The following EFCAB5 variants were observed in gnomAD, a reference collection of about 807,000 sequenced individuals.
EFCAB5 encodes EF-hand calcium-binding domain-containing protein 5.
EFCAB5 carries 131 observed loss-of-function variants against 167.9 expected under a neutral mutation model. The ratio of observed to expected loss-of-function variants is 0.78; its 90% confidence interval spans 0.68 to 0.90. The LOEUF (loss-of-function observed/expected upper bound fraction) is 0.90, where lower values mean the gene tolerates loss of function less well. Among genes scored for constraint, EFCAB5 ranks in the 40% least tolerant of loss-of-function variants. The pLI, the probability that EFCAB5 is intolerant of heterozygous loss-of-function variation, is 0.00. For missense variants in EFCAB5, 1,663 were observed against 1,745.2 expected (o/e 0.95, Z 0.84); for synonymous variants, 574 against 602.8 (o/e 0.95, Z 0.70).
chr17:30,036,748 G>A (rs1476230671), intron 8 of EFCAB5, among the ~76,000 whole-genome samples: 1 of 152,150 alleles, frequency 6.6e-6, no homozygotes, highest in Non-Finnish European at 1.5e-5. Flanking sequence ...TTTTTAACCA[G>A]CAGCTGAGAC....
intron 19 of EFCAB5, among the ~76,000 whole-genome samples, chr17:30,087,396 C>T (rs1484098624): frequency 6.6e-6 from 1 of 152,138 alleles, no homozygotes; most frequent in Admixed American, 6.5e-5. Flanking sequence ...AACCCATCAC[C>T]TAGGTATTAA....
intron 10 of EFCAB5, among the ~76,000 whole-genome samples, chr17:30,055,519 C>T (rs1257944678): frequency 1.3e-5 from 2 of 152,096 alleles, no homozygotes; most frequent in African/African-American, 2.4e-5. Context: ...TCTGTCACAC[C>T]TCAAACTGCA....
intron 7 of EFCAB5, among the ~76,000 whole-genome samples, chr17:30,020,970 A>C (rs998388516): frequency 5.9e-5 from 5 of 84,534 alleles, no homozygotes; most frequent in African/African-American, 3.4e-4. Flanking sequence ...AGGAACATTA[A>C]CAGAGTAGGT....
intron 15 of EFCAB5, among the ~76,000 whole-genome samples, chr17:30,079,253 G>C (rs2070933066): frequency 6.6e-6 from 1 of 152,122 alleles, no homozygotes; most frequent in Non-Finnish European, 1.5e-5. Context: ...AAGAAGAAGA[G>C]GCATTGTTCT....
chr17:30,030,349 G>T (rs955933891), intron 7 of EFCAB5, among the ~76,000 whole-genome samples: 1 of 152,130 alleles, frequency 6.6e-6, no homozygotes, highest in Non-Finnish European at 1.5e-5. Flanking sequence ...TTGTTTGTTT[G>T]TTTGTTTTGA....
chr17:29,935,129 T>C (rs2067234584), intron 1 of EFCAB5, among the ~76,000 whole-genome samples: 1 of 152,142 alleles, frequency 6.6e-6, no homozygotes, highest in Non-Finnish European at 1.5e-5. Flanking sequence ...ATAGCACAGA[T>C]ATATAAGAGC....
chr17:29,955,195 T>C (rs542286116), intron 3 of EFCAB5, among the ~76,000 whole-genome samples: 1 of 152,232 alleles, frequency 6.6e-6, no homozygotes, highest in South Asian at 2.1e-4. Flanking sequence ...AAGGGATGAT[T>C]GGTTTTGGAA....
chr17:29,949,637 G>T (rs1197077720), intron 3 of EFCAB5, among the ~76,000 whole-genome samples: 1 of 152,192 alleles, frequency 6.6e-6, no homozygotes, highest in Non-Finnish European at 1.5e-5. Flanking sequence ...GGGCAGTGCT[G>T]TAATTTGTGA....
At chr17:30,030,300 G>C (rs1181173733) in intron 7 of EFCAB5, among the ~76,000 whole-genome samples, 1 of 152,122 alleles carries the variant, frequency 6.6e-6, no homozygotes, top group African/African-American at 2.4e-5. Context: ...AACTTTCAGG[G>C]ATGAAAAATC....
chr17:30,059,607 G>A lies in EFCAB5; in HGVS notation c.2643G>A (p.Trp881Ter), dbSNP rs759833054. ...TCCTAGAAGCCATCTTTCAGAAGTG[G>A]GACAGTGATGGCTCAGGCTTCCTGG... ...RLLLEAIFQK[W>*]DSDGSGFLDL... The change falls in exon 14 of 23, where the codon TGG (tryptophan) becomes TGA (stop). Residue 881 changes from tryptophan to a stop codon, truncating the protein, a stop_gained. Coordinates refer to ENST00000394835, the MANE Select transcript of EFCAB5 (RefSeq NM_198529.4). LOFTEE classifies it high-confidence loss of function. 2 of 1,611,506 alleles carry A rather than the reference G, an allele frequency of 1.2e-6. No homozygotes were observed. Among genetic ancestry groups the A allele is most frequent in the South Asian group, 1.1e-5 (1 of 90,762 alleles).
intron 15 of EFCAB5, among the ~76,000 whole-genome samples, chr17:30,078,736 T>C (rs1188790386): frequency 6.6e-6 from 1 of 152,192 alleles, no homozygotes; most frequent in African/African-American, 2.4e-5. Flanking sequence ...AAGACAGATG[T>C]AGAAAAGATG....
intron 7 of EFCAB5, among the ~76,000 whole-genome samples, chr17:30,027,869 T>C (rs1200962858): frequency 6.6e-6 from 1 of 152,206 alleles, no homozygotes; most frequent in African/African-American, 2.4e-5. Flanking sequence ...CAATACATTC[T>C]TCTTTACTAT....
intron 14 of EFCAB5, chr17:30,069,163 G>T: frequency 5.8e-6 from 9 of 1,545,108 alleles, no homozygotes; most frequent in Non-Finnish European, 8.0e-6. Context: ...AAAGACAAGA[G>T]AATCCACATC....
intron 22 of EFCAB5, among the ~76,000 whole-genome samples, chr17:30,094,518 A>AAAT (rs1567775561): frequency 6.7e-6 from 1 of 148,332 alleles, no homozygotes; most frequent in Non-Finnish European, 1.5e-5. Context: ...AAAAAAAAAA[A>AAAT]AAAAAAAAAA....
At chr17:30,005,168 T>C (rs549837441) in intron 7 of EFCAB5, among the ~76,000 whole-genome samples, 1 of 152,140 alleles carries the variant, frequency 6.6e-6, no homozygotes, top group African/African-American at 2.4e-5. Context: ...TCCTCAGCAA[T>C]GCATGATGGC....
At chr17:29,996,208 T>C in intron 5 of EFCAB5, 104 bp from the exon 6 acceptor site, 1 of 950,906 alleles carries the variant, frequency 1.1e-6, no homozygotes, top group Non-Finnish European at 1.6e-6. Flanking sequence ...CACCCAATAC[T>C]AAAACAGAAA....
intron 4 of EFCAB5, among the ~76,000 whole-genome samples, chr17:29,985,851 G>A (rs1004032934): frequency 6.6e-6 from 1 of 152,116 alleles, no homozygotes; most frequent in Non-Finnish European, 1.5e-5. Flanking sequence ...GGCCAGTTTT[G>A]GGGTCAGTTT....
In EFCAB5 at chr17:29,943,553, CT is replaced by C. The variant is rs1488870095; in HGVS notation, c.106-11del. 2 of 1,552,022 alleles carry C rather than the reference CT, an allele frequency of 1.3e-6. No individual in the cohort carries two copies. The highest frequency in any genetic ancestry group is 1.7e-6 in the Non-Finnish European group (2 of 1,148,812). On this transcript the variant is annotated splice_polypyrimidine_tract_variant and intron_variant, in intron 2 of 22. Coordinates refer to ENST00000394835, the MANE Select transcript of EFCAB5 (RefSeq NM_198529.4). ...CACATTGAAATTGGTGATTTTTTTC[CT>C]CTTTTCAAAGACCTTACAGAGTGTG...
At chr17:29,984,441 C>T (rs1178111730) in intron 4 of EFCAB5, among the ~76,000 whole-genome samples, 3 of 151,972 alleles carry the variant, frequency 2.0e-5, no homozygotes, top group East Asian at 1.9e-4. Flanking sequence ...TCATTAAGGC[C>T]AGGCGTGGTG....
Sources: allele counts gnomAD v4.1 joint callset (sites outside exome capture counted in the v4.1 genomes callset), GRCh38; gene constraint gnomAD v4.1.1; transcripts MANE v1.5; gene names NCBI Gene and HGNC (gene_info 2026-07-23, HGNC 2026-07-21).